Variants in KCNH1 observed in about 807,000 individuals in gnomAD.
KCNH1 encodes the protein potassium voltage-gated channel subfamily H member 1.
A neutral mutation model predicts 69.2 loss-of-function variants in KCNH1; 27 were observed. The observed-to-expected ratio is 0.39, with a 90% CI of 0.29 to 0.54. The LOEUF is 0.54. KCNH1 is among the 20% of genes least tolerant of loss of function. KCNH1 has a pLI of 0.68. For synonymous variants in KCNH1, 456 were observed against 487.7 expected, an observed-to-expected ratio of 0.93 and a Z score of 0.86; for missense variants, 798 against 1,261.6, an observed-to-expected ratio of 0.63 and a Z score of 5.57.
At chr1:211,092,957 C>T (rs1414810960) in intron 3 of KCNH1, among the ~76,000 whole-genome samples, 4 of 151,946 alleles carry the variant, frequency 2.6e-5, no homozygotes, top group Non-Finnish European at 5.9e-5. Flanking sequence ...TGGAGTACAT[C>T]GTGAGTCAGT....
chr1:210,803,913 C>T, intron 8 of KCNH1, 54 bp downstream of exon 8: 3 of 1,532,452 alleles, frequency 2.0e-6, no homozygotes, highest in South Asian at 2.4e-5. Context: ...AGCCTCAACC[C>T]TCCTAGGGAA....
At chr1:211,015,417 C>T (rs1012192979) in intron 6 of KCNH1, among the ~76,000 whole-genome samples, 17 of 152,024 alleles carry the variant, frequency 1.1e-4, no homozygotes, top group African/African-American at 3.9e-4. Flanking sequence ...TTTTTTCTTA[C>T]TTGTGTATTA....
intron 7 of KCNH1, among the ~76,000 whole-genome samples, chr1:210,848,633 A>G (rs939890793): frequency 2.0e-5 from 3 of 152,222 alleles, no homozygotes; most frequent in Non-Finnish European, 2.9e-5. Flanking sequence ...GAATAACAGC[A>G]TAAATCTGCG....
chr1:210,771,269 G>A (rs750383402), intron 10 of KCNH1, among the ~76,000 whole-genome samples: 2 of 152,138 alleles, frequency 1.3e-5, no homozygotes, highest in Non-Finnish European at 2.9e-5. Flanking sequence ...AAACAATAGC[G>A]CTGTGCTTTT....
At chr1:210,733,452 C>G (rs1310994404) in intron 10 of KCNH1, among the ~76,000 whole-genome samples, 4 of 152,176 alleles carry the variant, frequency 2.6e-5, no homozygotes, top group East Asian at 1.9e-4. Flanking sequence ...ACCGTCCAAA[C>G]CAGCCTGTTA....
chr1:210,799,640 A>C (rs1327279264), intron 8 of KCNH1, among the ~76,000 whole-genome samples: 1 of 152,214 alleles, frequency 6.6e-6, no homozygotes, highest in African/African-American at 2.4e-5. Context: ...TTCTAAAATA[A>C]TCCATTCTCC....
intron 7 of KCNH1, chr1:210,858,211 T>G (rs1685897181): frequency 6.6e-6 from 1 of 152,218 alleles, no homozygotes; most frequent in South Asian, 2.1e-4. Context: ...GAACTTCATA[T>G]CCAGTTAACA....
intron 10 of KCNH1, among the ~76,000 whole-genome samples, chr1:210,757,551 G>A (rs1308668014): frequency 6.6e-6 from 1 of 152,166 alleles, no homozygotes; most frequent in Non-Finnish European, 1.5e-5. Flanking sequence ...TTCAGGTTGT[G>A]CCCAGGTGCA....
chr1:210,933,342 A>T (rs1558531095), intron 6 of KCNH1, among the ~76,000 whole-genome samples: 1 of 151,922 alleles, frequency 6.6e-6, no homozygotes, highest in South Asian at 2.1e-4. Context: ...CAAGGGGAAC[A>T]TCAAACTCTG....
chr1:210,833,533 T>C (rs1685212538), intron 7 of KCNH1, among the ~76,000 whole-genome samples: 1 of 152,044 alleles, frequency 6.6e-6, no homozygotes, highest in Non-Finnish European at 1.5e-5. Flanking sequence ...AAAAATCAAT[T>C]CAAGATGGAT....
chr1:210,989,828 ACT>A (rs1385553248), intron 6 of KCNH1, among the ~76,000 whole-genome samples: 1 of 151,914 alleles, frequency 6.6e-6, no homozygotes, highest in African/African-American at 2.4e-5. Context: ...TTCATTTTCC[ACT>A]CTCCTAAATT....
chr1:210,693,786 C>T (rs1681577056), intron 10 of KCNH1, among the ~76,000 whole-genome samples: 1 of 152,224 alleles, frequency 6.6e-6, no homozygotes, highest in Non-Finnish European at 1.5e-5. Context: ...GACCTGTGGC[C>T]TCACCTGCAC....
chr1:210,859,343 C>T, intron 7 of KCNH1: 1 of 1,526,404 alleles, frequency 6.6e-7, no homozygotes, highest in Non-Finnish European at 9.1e-7. Flanking sequence ...TCATTAAGAC[C>T]ATGAGTCAGA....
intron 7 of KCNH1, among the ~76,000 whole-genome samples, chr1:210,855,128 A>G (rs1286062474): frequency 6.6e-6 from 1 of 152,202 alleles, no homozygotes; most frequent in African/African-American, 2.4e-5. Flanking sequence ...AGCATCAGCT[A>G]AAGTTTTATC....
chr1:211,126,922 G>A (rs556581793), intron 1 of KCNH1, among the ~76,000 whole-genome samples: 45 of 151,916 alleles, frequency 3.0e-4, no homozygotes, highest in Middle Eastern at 6.8e-3. Flanking sequence ...ATTCACTTAC[G>A]GGATCTGGTT....
intron 10 of KCNH1, among the ~76,000 whole-genome samples, chr1:210,740,136 T>C (rs1429508951): frequency 6.6e-6 from 1 of 152,066 alleles, no homozygotes; most frequent in Non-Finnish European, 1.5e-5. Flanking sequence ...ATATGCTAGA[T>C]AGAAGGATAC....
intron 7 of KCNH1, among the ~76,000 whole-genome samples, chr1:210,838,542 T>G (rs1290767855): frequency 3.9e-5 from 6 of 152,032 alleles, no homozygotes; most frequent in African/African-American, 1.4e-4. Context: ...CAAAAGCAAC[T>G]GCAACAAAAG....
At chr1:211,088,325 G>T (rs2102471332) in intron 4 of KCNH1, among the ~76,000 whole-genome samples, 1 of 152,260 alleles carries the variant, frequency 6.6e-6, no homozygotes, top group South Asian at 2.1e-4. Flanking sequence ...TGGTCTCCTG[G>T]AAACAAGCTG....
At chr1:210,947,384 A>G (rs1687977717) in intron 6 of KCNH1, among the ~76,000 whole-genome samples, 1 of 151,956 alleles carries the variant, frequency 6.6e-6, no homozygotes, top group Non-Finnish European at 1.5e-5. Flanking sequence ...CCTGGTGAAC[A>G]CGGTGAAACC....
Sources: allele counts gnomAD v4.1 joint callset (sites outside exome capture counted in the v4.1 genomes callset), GRCh38; gene constraint gnomAD v4.1.1; transcripts MANE v1.5; gene names NCBI Gene and HGNC (gene_info 2026-07-23, HGNC 2026-07-21).